SPHKAP: variants seen among roughly 807,000 people sequenced by gnomAD.
The protein encoded by SPHKAP is A-kinase anchor protein SPHKAP.
In SPHKAP, 67 loss-of-function variants were observed where a neutral mutation model predicts 137.5. That is an observed-to-expected ratio of 0.49 (90% confidence interval 0.40 to 0.60). The LOEUF (loss-of-function observed/expected upper bound fraction) is 0.60, where lower values mean the gene tolerates loss of function less well. Among genes scored for constraint, SPHKAP ranks in the 20% least tolerant of loss-of-function variants. The pLI is 0.00. For missense variants in SPHKAP, 2,097 were observed against 2,069.3 expected (o/e 1.01, Z -0.26); for synonymous variants, 813 against 785.3 (o/e 1.04, Z -0.59).
At chr2:228,071,752 C>T (rs1450965499) in intron 3 of SPHKAP, among the ~76,000 whole-genome samples, 1 of 152,028 alleles carries the variant, frequency 6.6e-6, no homozygotes, top group African/African-American at 2.4e-5. Context: ...ACTGCAGCTA[C>T]AGACCTCTAT....
intron 2 of SPHKAP, among the ~76,000 whole-genome samples, chr2:228,122,811 G>A (rs1236092301): frequency 1.3e-5 from 2 of 152,178 alleles, no homozygotes; most frequent in African/African-American, 4.8e-5. Flanking sequence ...CTTAGATGGT[G>A]AATGAAATCG....
chr2:228,152,906 C>T (rs1396680710), intron 1 of SPHKAP, among the ~76,000 whole-genome samples: 1 of 152,070 alleles, frequency 6.6e-6, no homozygotes, highest in African/African-American at 2.4e-5. Flanking sequence ...CCCATAATTC[C>T]CATGTCTGTG....
chr2:228,019,358 G>T lies in SPHKAP; in HGVS notation c.1496C>A (p.Ala499Glu), dbSNP rs748375560. 23 of 1,614,068 alleles carry T rather than the reference G, an allele frequency of 1.4e-5. No homozygotes were observed. Among genetic ancestry groups the T allele is most frequent in the Non-Finnish European group, 1.9e-5 (22 of 1,180,048 alleles). The change falls in exon 7 of 12, where the codon GCG (alanine) becomes GAG (glutamate). Residue 499 changes from alanine (A) to glutamate (E), a missense_variant. Physicochemically the swap from Ala to Glu is moderately radical, Grantham distance 107 (BLOSUM62 -1). Transcript: ENST00000392056. ...AATCACAGTGGCTGCACAAGCTAACGCCACTTCTAGAGCACTCTGGGGTTG... is the reference window on the plus strand; with the variant it reads ...AATCACAGTGGCTGCACAAGCTAACTCCACTTCTAGAGCACTCTGGGGTTG... ...SRQPQSALEV[A>E]LACAATVIGT...
At chr2:228,027,622 T>A (rs1359855026) in intron 3 of SPHKAP, 79 bp from the exon 4 acceptor site, 1 of 1,395,768 alleles carries the variant, frequency 7.2e-7, no homozygotes, top group Non-Finnish European at 1.0e-6. Context: ...CAGGAATCAG[T>A]TGGGGCAAAT....
chr2:228,067,190 T>C (rs899958509), intron 3 of SPHKAP, among the ~76,000 whole-genome samples: 14 of 152,210 alleles, frequency 9.2e-5, no homozygotes, highest in African/African-American at 3.4e-4. Flanking sequence ...AACTGAGAAA[T>C]GACAGGAACA....
intron 3 of SPHKAP, among the ~76,000 whole-genome samples, chr2:228,091,433 A>G (rs1697726237): frequency 6.6e-6 from 1 of 152,220 alleles, no homozygotes; most frequent in Non-Finnish European, 1.5e-5. Flanking sequence ...TAGTTAAACT[A>G]AAGTACTTCT....
intron 2 of SPHKAP, among the ~76,000 whole-genome samples, chr2:228,111,564 G>A (rs904221883): frequency 2.6e-5 from 4 of 152,128 alleles, no homozygotes; most frequent in Non-Finnish European, 5.9e-5. Context: ...TTTTAGTTAT[G>A]CATTTTGTAG....
At chr2:228,174,039 G>A (rs137893630) in intron 1 of SPHKAP, among the ~76,000 whole-genome samples, 3 of 152,310 alleles carry the variant, frequency 2.0e-5, no homozygotes, top group African/African-American at 7.2e-5. Context: ...GGCTTGGTGT[G>A]CAGGTAGAGG....
In SPHKAP at chr2:228,111,261, G is replaced by T. The variant is rs191911966; in HGVS notation, c.139-2322C>A. Reference sequence around the variant, plus strand: ...CTAACTTGGTCATTAGTAGCAGGATGACCTCAAACAGATGACTTAAACCCT... The same window carrying T: ...CTAACTTGGTCATTAGTAGCAGGATTACCTCAAACAGATGACTTAAACCCT... On this transcript the variant is annotated intron_variant, in intron 2 of 11. Coordinates refer to ENST00000392056, the MANE Select transcript of SPHKAP (RefSeq NM_001142644.2). 8.4e-4 allele frequency among the ~76,000 whole-genome samples: 128 copies of T among 152,254 alleles called. 1 individual carries two copies. The highest frequency in any genetic ancestry group is 2.9e-3 in the African/African-American group (120 of 41,568).
intron 2 of SPHKAP, 180 bp downstream of exon 2, chr2:228,131,800 C>T: frequency 2.0e-6 from 2 of 983,902 alleles, no homozygotes; most frequent in Middle Eastern, 5.2e-4. Context: ...TGAATTTTCT[C>T]ATCATTTCCA....
chr2:228,055,998 C>A (rs1384731684), intron 3 of SPHKAP, among the ~76,000 whole-genome samples: 1 of 152,152 alleles, frequency 6.6e-6, no homozygotes, highest in Non-Finnish European at 1.5e-5. Flanking sequence ...CGCAACAGAT[C>A]CTTGCTCCAT....
rs775866234 is a variant in SPHKAP at position 228,018,390 on chromosome 2, C to T, written c.2464G>A (p.Asp822Asn). The T allele has an allele frequency of 1.3e-5, 21 of 1,613,956 alleles. No individual in the cohort carries two copies. In the Admixed American group the frequency reaches 1.3e-4, roughly 10 times the overall value. The change falls in exon 7 of 12, where the codon GAT becomes AAT. Residue 822 changes from aspartate (D) to asparagine (N), a missense_variant. Transcript: ENST00000392056. The part of the protein sequence containing the change: ...SQLSRSHRVP[D>N]SSTATTSSKE... ...GAGGATGTTGTAGCAGTTGAAGAAT[C>T]GGGCACTCTGTGACTACGTGATAAT...
At chr2:228,086,909 G>C (rs1335123093) in intron 3 of SPHKAP, among the ~76,000 whole-genome samples, 2 of 152,148 alleles carry the variant, frequency 1.3e-5, no homozygotes, top group Non-Finnish European at 2.9e-5. Flanking sequence ...GCTAAGAAGA[G>C]CCCTCAGGGG....
chr2:228,123,554 T>C (rs1250267968), intron 2 of SPHKAP, among the ~76,000 whole-genome samples: 1 of 152,196 alleles, frequency 6.6e-6, no homozygotes, highest in Non-Finnish European at 1.5e-5. Context: ...GAATATTATA[T>C]CTATTTTCCA....
Position 228,038,457 on chromosome 2 carries a change from G to A in SPHKAP, c.247-10914C>T, listed in dbSNP as rs141138431. 7.6e-4 allele frequency among the ~76,000 whole-genome samples: 116 copies of A among 152,254 alleles called. 1 individual carries two copies. The highest frequency in any genetic ancestry group is 3.4e-3 in the Middle Eastern group (1 of 294). ...ATTCTGCATTACGGTTGCATGAGCTGGAGAGAAACCTGTCAGTGGGGAGGC... is the reference window on the plus strand; with the variant it reads ...ATTCTGCATTACGGTTGCATGAGCTAGAGAGAAACCTGTCAGTGGGGAGGC... On this transcript the variant is annotated intron_variant, in intron 3 of 11. Transcript: ENST00000392056.
At chr2:228,039,421 T>C (rs6758896) in intron 3 of SPHKAP, among the ~76,000 whole-genome samples, 57,933 of 151,916 alleles carry the variant, frequency 0.38, 11,481 homozygotes, top group South Asian at 0.51. Flanking sequence ...AAAATTTGAA[T>C]GTCTATAGGA....
Position 228,017,642 on chromosome 2 carries a change from C to G in SPHKAP, c.3212G>C (p.Ser1071Thr), listed in dbSNP as rs530894793. The change falls in exon 7 of 12, where the codon AGT (serine) becomes ACT (threonine). Residue 1071 changes from serine to threonine, a missense_variant. Transcript: ENST00000392056. ...AQGYPRNRLL[S>T]GDRWSRLKAS... ...CTTCAGCCGGCTCCACCTGTCGCCA[C>G]TCAGTAACCGATTCCGGGGATAGCC... 1.2e-6 allele frequency: 2 copies of G among 1,614,032 alleles called. No homozygotes were observed. The highest frequency in any genetic ancestry group is 1.3e-5 in the African/African-American group (1 of 75,064).
intron 7 of SPHKAP, among the ~76,000 whole-genome samples, chr2:228,015,551 T>A (rs1694549043): frequency 6.6e-6 from 1 of 152,152 alleles, no homozygotes. Flanking sequence ...ATCTTATAAA[T>A]TTTCTACAGA....
Position 228,084,260 on chromosome 2 carries a change from T to C in SPHKAP, c.246+24572A>G, listed in dbSNP as rs141985900. On this transcript the variant is annotated intron_variant, in intron 3 of 11. Transcript: ENST00000392056. Reference sequence around the variant, plus strand: ...GGCAGTGCATGTTCATAATGGCCTCTTGACATTAATAATTAGTATTAAAAA... The same window carrying C: ...GGCAGTGCATGTTCATAATGGCCTCCTGACATTAATAATTAGTATTAAAAA... Among the ~76,000 whole-genome samples, 922 of 152,294 alleles carry C rather than the reference T, an allele frequency of 6.1e-3. 16 individuals are homozygous for C. Among genetic ancestry groups the C allele is most frequent in the African/African-American group, 0.021 (865 of 41,570 alleles).
Sources: allele counts gnomAD v4.1 joint callset (sites outside exome capture counted in the v4.1 genomes callset), GRCh38; gene constraint gnomAD v4.1.1; transcripts MANE v1.5; gene names NCBI Gene and HGNC (gene_info 2026-07-23, HGNC 2026-07-21).